GALNT13: variants seen among roughly 807,000 people sequenced by gnomAD.
GALNT13 encodes UDP-GalNAc:polypeptide N-acetylgalactosaminyltransferase 13.
GALNT13 carries 28 observed loss-of-function variants against 64.2 expected under a neutral mutation model. That is an observed-to-expected ratio of 0.44 (90% CI 0.32 to 0.60). The LOEUF is 0.60. Ranked by LOEUF, GALNT13 falls within the 20% of genes least tolerant of loss-of-function variation. GALNT13 has a pLI of 0.05. For synonymous variants in GALNT13, 214 were observed against 224.6 expected, an observed-to-expected ratio of 0.95 and a Z score of 0.42; for missense variants, 577 against 669.8, an observed-to-expected ratio of 0.86 and a Z score of 1.53.
At chr2:153,765,187 C>G in the GALNT13 span, among the ~76,000 whole-genome samples, 1 of 152,170 alleles carries the variant, frequency 6.6e-6, no homozygotes, top group East Asian at 1.9e-4. Flanking sequence ...CTCCAGACCC[C>G]AGAATGGTAG....
the GALNT13 span, among the ~76,000 whole-genome samples, chr2:153,336,417 C>T: frequency 1.3e-5 from 2 of 152,270 alleles, no homozygotes; most frequent in African/African-American, 2.4e-5. Context: ...AAACCCACCT[C>T]TTGCATCAGC....
At chr2:154,032,670 A>G (rs1698412264) in intron 3 of GALNT13, among the ~76,000 whole-genome samples, 1 of 151,998 alleles carries the variant, frequency 6.6e-6, no homozygotes, top group African/African-American at 2.4e-5. Flanking sequence ...ATGATCTCAT[A>G]AATGCAGAAA....
the GALNT13 span, among the ~76,000 whole-genome samples, chr2:153,631,687 T>A: frequency 2.2e-4 from 33 of 152,258 alleles, no homozygotes; most frequent in East Asian, 2.9e-3. Context: ...GTTTGAGTTC[T>A]TTGTAGATTC....
the GALNT13 span, among the ~76,000 whole-genome samples, chr2:153,501,400 C>T: frequency 3.0e-3 from 455 of 152,092 alleles, 17 homozygotes; most frequent in East Asian, 0.082. Context: ...GGCACAATCT[C>T]GGCTCACTTC....
At position 153,947,443 on chromosome 2, in the gene GALNT13, G is replaced by C. The variant is rs971723399; in HGVS notation, c.142+2804G>C. ...TTAAAGTAATGATCACTGATGTTGA[G>C]TTTTTTTTTTTTCATATGATTGTTG... On this transcript the variant is annotated intron_variant, in intron 3 of 12. Transcript: ENST00000392825. 3.5e-5 allele frequency among the ~76,000 whole-genome samples: 5 copies of C among 143,360 alleles called. No individual in the cohort carries two copies. In the East Asian group the frequency reaches 1.0e-3, roughly 29 times the overall value. The allele number at this position is 143,360 out of a possible 152,430, so 94.0% of individuals were successfully genotyped here. A position where few individuals can be genotyped will look rare whatever the true frequency, so the allele number is the denominator to read the frequency against.
In GALNT13 at chr2:154,195,234, T is replaced by C. The variant is rs576085191; in HGVS notation, c.312-46796T>C. ...AATATTCTTCCTCTGGGCATTTCTT[T>C]CTCTCTCCGGACTTTTGTCTTCTGC... On this transcript the variant is annotated intron_variant, in intron 4 of 12. Coordinates refer to ENST00000392825, the MANE Select transcript of GALNT13 (RefSeq NM_052917.4). Among the ~76,000 whole-genome samples, 199 of 152,284 alleles carry C rather than the reference T, an allele frequency of 1.3e-3. 1 individual carries two copies. The highest frequency in any genetic ancestry group is 4.3e-3 in the African/African-American group (178 of 41,566).
At chr2:153,860,730 A>C in the GALNT13 span, among the ~76,000 whole-genome samples, 238 of 152,206 alleles carry the variant, frequency 1.6e-3, no homozygotes, top group African/African-American at 5.4e-3. Flanking sequence ...AGTGGGAGGC[A>C]CTCCATTCTA....
chr2:153,634,945 G>C, the GALNT13 span, among the ~76,000 whole-genome samples: 1 of 151,804 alleles, frequency 6.6e-6, no homozygotes, highest in Non-Finnish European at 1.5e-5. Flanking sequence ...CTTACCTCTG[G>C]GAGGCAGGCA....
chr2:154,437,064 C>A (rs1701012701), intron 11 of GALNT13: 1 of 152,290 alleles, frequency 6.6e-6, no homozygotes, highest in African/African-American at 2.4e-5. Context: ...GGATAATTTT[C>A]TTTTTATTAT....
the GALNT13 span, among the ~76,000 whole-genome samples, chr2:153,314,950 A>G: frequency 6.6e-6 from 1 of 152,154 alleles, no homozygotes; most frequent in Non-Finnish European, 1.5e-5. Context: ...AGAAAACAAT[A>G]GAATCAATAA....
rs35825821 is a variant in GALNT13 at position 154,417,282 on chromosome 2, CA to C, written c.1395+8221del. 9.1e-3 allele frequency among the ~76,000 whole-genome samples: 685 copies of C among 75,132 alleles called. 8 individuals are homozygous for C. The highest frequency in any genetic ancestry group is 0.012 in the South Asian group (28 of 2,374). The allele number at this position is 75,132 out of a possible 152,430, so 49.3% of individuals were successfully genotyped here. On this transcript the variant is annotated intron_variant, in intron 11 of 12. Coordinates refer to ENST00000392825, the MANE Select transcript of GALNT13 (RefSeq NM_052917.4). ...CCCAGTTGGAAAAACAAACAAGCAC[CA>C]AAAAAAAAAAAAAAAAAAAACCTGA...
At chr2:154,146,566 A>T (rs1683614225) in intron 4 of GALNT13, among the ~76,000 whole-genome samples, 1 of 152,082 alleles carries the variant, frequency 6.6e-6, no homozygotes, top group South Asian at 2.1e-4. Flanking sequence ...TAGCATAAAG[A>T]TCCTTTTGAG....
At chr2:153,291,935 T>C in the GALNT13 span, among the ~76,000 whole-genome samples, 1 of 152,134 alleles carries the variant, frequency 6.6e-6, no homozygotes, top group South Asian at 2.1e-4. Flanking sequence ...CAGTTCACTA[T>C]GAATAGTAGC....
the GALNT13 span, among the ~76,000 whole-genome samples, chr2:153,502,118 G>T: frequency 2.0e-5 from 3 of 151,626 alleles, no homozygotes; most frequent in Admixed American, 6.6e-5. Context: ...GGTTTTTGGG[G>T]GAACAGGTGG....
the GALNT13 span, among the ~76,000 whole-genome samples, chr2:153,416,189 G>T: frequency 1.3e-5 from 2 of 152,148 alleles, no homozygotes; most frequent in East Asian, 3.9e-4. Flanking sequence ...ATTGTCTTAA[G>T]AAAAAGAAAA....
At chr2:153,614,850 T>C in the GALNT13 span, among the ~76,000 whole-genome samples, 1 of 152,070 alleles carries the variant, frequency 6.6e-6, no homozygotes, top group African/African-American at 2.4e-5. Context: ...TGGGCATCCA[T>C]CCCCTCAAGC....
At chr2:153,946,717 T>C (rs1254778294) in intron 3 of GALNT13, among the ~76,000 whole-genome samples, 1 of 152,100 alleles carries the variant, frequency 6.6e-6, no homozygotes, top group Non-Finnish European at 1.5e-5. Context: ...TCTCCTAATA[T>C]CACTTTGAAG....
chr2:153,834,147 C>T, the GALNT13 span, among the ~76,000 whole-genome samples: 58 of 152,112 alleles, frequency 3.8e-4, no homozygotes, highest in African/African-American at 1.3e-3. Flanking sequence ...TTTAGTTAGG[C>T]GGGTATATTT....
chr2:153,531,201 A>C, the GALNT13 span, among the ~76,000 whole-genome samples: 1 of 152,218 alleles, frequency 6.6e-6, no homozygotes, highest in Non-Finnish European at 1.5e-5. Flanking sequence ...TTTACAAAGA[A>C]AAGAGATTTA....
Sources: gnomAD v4.1 joint callset for allele counts (sites outside exome capture counted in the v4.1 genomes callset) on GRCh38, gnomAD v4.1.1 for gene constraint, MANE v1.5 for transcripts, NCBI Gene and HGNC (gene_info 2026-07-23, HGNC 2026-07-21) for gene names.